The following ACTA2 variants were observed in gnomAD, a reference collection of about 807,000 sequenced individuals.
ACTA2 encodes the protein actin alpha 2, smooth muscle.
A neutral mutation model predicts 39.5 loss-of-function variants in ACTA2; 12 were observed. That is an observed-to-expected ratio of 0.30 (90% CI 0.19 to 0.49). The LOEUF is 0.49. Among genes scored for constraint, ACTA2 ranks in the 20% least tolerant of loss-of-function variants. ACTA2 has a pLI of 0.99. For missense variants in ACTA2, 236 were observed against 498.8 expected (o/e 0.47, Z 5.02); for synonymous variants, 158 against 180.6 (o/e 0.88, Z 1.00).
At chr10:88,935,748 G>C (rs1236297022) in intron 8 of ACTA2, among the ~76,000 whole-genome samples, 3 of 152,126 alleles carry the variant, frequency 2.0e-5, no homozygotes, top group Non-Finnish European at 4.4e-5. Context: ...ACAAACCCTA[G>C]CCTATTCAAA....
At position 88,941,831 on chromosome 10, in the gene ACTA2, C is replaced by G; in HGVS notation, c.408G>C (p.Val136=). 6.2e-7 allele frequency: 1 copy of G among 1,613,230 alleles called. No individual in the cohort carries two copies. The highest frequency in any genetic ancestry group is 8.5e-7 in the Non-Finnish European group (1 of 1,179,660). Residue 136 remains valine (V), a synonymous_variant, in exon 5 of 9, where the codon GTG becomes GTC. Transcript: ENST00000224784. ...FETFNVPAMY[V]AIQAVLSLYA... The stretch of plus-strand genomic sequence containing the variant: ...AGAGAGACAGCACCGCCTGGATAGC[C>G]ACATACATGGCTGGGACATTGAAAG...
chr10:88,989,381 GT>G, intron 1 of ACTA2: 1 of 367,254 alleles, frequency 2.7e-6, no homozygotes, highest in South Asian at 2.2e-5. Context: ...TTTTGGAATA[GT>G]TTTAGGATTT....
At chr10:88,939,781 C>A in intron 6 of ACTA2, 83 bp from the exon 7 acceptor site, 1 of 1,402,114 alleles carries the variant, frequency 7.1e-7, no homozygotes, top group Non-Finnish European at 1.0e-6. Context: ...GCAGTCTCTC[C>A]CTCAAGACAT....
Position 88,935,097 on chromosome 10 carries a change from T to G in ACTA2, c.*126A>C, listed in dbSNP as rs1845707434. 7.3e-7 allele frequency: 1 copy of G among 1,371,954 alleles called. No homozygotes were observed. Among genetic ancestry groups the G allele is most frequent in the African/African-American group, 1.4e-5 (1 of 69,302 alleles). The allele number at this position is 1,371,954 out of a possible 1,614,324, so 85.0% of individuals were successfully genotyped here. A position where few individuals can be genotyped will look rare whatever the true frequency, so the allele number is the denominator to read the frequency against. On this transcript the variant is annotated 3_prime_UTR_variant, in exon 9 of 9. Coordinates refer to ENST00000224784, the MANE Select transcript of ACTA2 (RefSeq NM_001613.4). ...AGTTACCAGTAGCCTATTTCAGATT[T>G]ATTAAAAAACACATAGGTAACGAGT...
At chr10:88,976,588 A>T (rs1435075051) in intron 1 of ACTA2, among the ~76,000 whole-genome samples, 1 of 152,248 alleles carries the variant, frequency 6.6e-6, no homozygotes. Flanking sequence ...ACTAAATTGA[A>T]AATGACTAAC....
intron 1 of ACTA2, among the ~76,000 whole-genome samples, chr10:88,970,897 G>A (rs4934432): frequency 0.97 from 146,406 of 150,566 alleles, 71,235 homozygotes; most frequent in Non-Finnish European, 0.99. Flanking sequence ...GTGTGTGTGT[G>A]TATATATATA....
At chr10:88,964,649 T>G (rs1323926725) in intron 1 of ACTA2, among the ~76,000 whole-genome samples, 2 of 152,102 alleles carry the variant, frequency 1.3e-5, no homozygotes, top group Non-Finnish European at 2.9e-5. Flanking sequence ...GCAGAGAGAT[T>G]TTTTGTATCT....
rs766565215 is a variant in ACTA2 at position 88,943,672 on chromosome 10, C to T, written c.369+125G>A. The stretch of plus-strand genomic sequence containing the variant: ...CTGTCCTTTGGGATCCCTGAGTTCA[C>T]TGAAGGCTGTTAGTCTGTTGGTGGA... On this transcript the variant is annotated intron_variant, in intron 4 of 8. Transcript: ENST00000224784. The T allele has an allele frequency of 1.8e-5, 14 of 798,576 alleles. No individual in the cohort carries two copies. The African/African-American group carries it at 2.0e-4, about 12-fold the overall frequency. 49.5% of individuals were successfully genotyped at this position (798,576 alleles called of 1,614,324 possible). A position where few individuals can be genotyped will look rare whatever the true frequency, so the allele number is the denominator to read the frequency against.
intron 1 of ACTA2, among the ~76,000 whole-genome samples, chr10:88,959,802 G>T (rs776226353): frequency 6.6e-6 from 1 of 151,966 alleles, no homozygotes; most frequent in Non-Finnish European, 1.5e-5. Context: ...TCTTAGCTGT[G>T]ACAGTTTCTC....
chr10:88,953,998 C>G (rs1450495268), upstream of ACTA2, among the ~76,000 whole-genome samples: 1 of 152,058 alleles, frequency 6.6e-6, no homozygotes, highest in African/African-American at 2.4e-5. Flanking sequence ...ACCAGGTGAC[C>G]CTCTCATTTC....
At position 88,939,624 on chromosome 10, in the gene ACTA2, T is replaced by C. The variant is rs1845811593; in HGVS notation, c.691A>G (p.Thr231Ala). Residue 231 changes from threonine (T) to alanine (A), a missense_variant, in exon 7 of 9, where the codon ACT (threonine) becomes GCT (alanine). Coordinates refer to ENST00000224784, the MANE Select transcript of ACTA2 (RefSeq NM_001613.4). ...VALDFENEMATAASSSSLEKS... is the reference protein window; with the variant it reads ...VALDFENEMAAAASSSSLEKS... ...TCAAGGGAGGATGAGGATGCGGCAG[T>C]GGCCATCTCATTTTCAAAGTCCAGA... 1 of 1,614,092 alleles carries C rather than the reference T, an allele frequency of 6.2e-7. No homozygotes were observed. The highest frequency in any genetic ancestry group is 8.5e-7 in the Non-Finnish European group (1 of 1,179,978).
At chr10:88,970,967 A>C (rs759061007) in intron 1 of ACTA2, among the ~76,000 whole-genome samples, 1 of 152,196 alleles carries the variant, frequency 6.6e-6, no homozygotes, top group Non-Finnish European at 1.5e-5. Flanking sequence ...GTCTGAACTC[A>C]TGTCTGACAT....
upstream of ACTA2, among the ~76,000 whole-genome samples, chr10:88,954,061 A>G (rs906579846): frequency 6.6e-6 from 1 of 152,184 alleles, no homozygotes; most frequent in East Asian, 1.9e-4. Context: ...CAGTGATTTT[A>G]TATTTGTCTA....
intron 1 of ACTA2, among the ~76,000 whole-genome samples, chr10:88,982,439 T>G (rs978923961): frequency 7.9e-5 from 12 of 152,028 alleles, no homozygotes; most frequent in African/African-American, 2.7e-4. Flanking sequence ...TTTTTTTTTT[T>G]GAAATGAGGA....
intron 1 of ACTA2, chr10:88,973,115 A>G: frequency 6.7e-7 from 1 of 1,482,896 alleles, no homozygotes; most frequent in Non-Finnish European, 9.0e-7. Flanking sequence ...TTATTTTTCT[A>G]TTTTAATTTT....
intron 1 of ACTA2, among the ~76,000 whole-genome samples, chr10:88,952,214 C>T (rs552730516): frequency 1.3e-5 from 2 of 152,260 alleles, no homozygotes; most frequent in South Asian, 4.1e-4. Context: ...CCAGGGAAAC[C>T]CAGAAGGGAA....
intron 7 of ACTA2, 61 bp from the exon 8 acceptor site, chr10:88,938,303 A>G: frequency 1.3e-6 from 2 of 1,574,800 alleles, no homozygotes; most frequent in Admixed American, 3.3e-5. Context: ...CTAGACATGG[A>G]AGACCAGACT....
In ACTA2 at chr10:88,947,252, C is replaced by T. The variant is rs1415012145; in HGVS notation, c.258+6G>A. ...GAGGGCCCAAGCTGCAGCAAACCTC[C>T]CATACCTTTTCCATGTCGTCCCAGT... On this transcript the variant is annotated splice_donor_region_variant and intron_variant, in intron 3 of 8. Coordinates refer to ENST00000224784, the MANE Select transcript of ACTA2 (RefSeq NM_001613.4). The T allele has an allele frequency of 2.5e-6, 4 of 1,613,712 alleles. No homozygotes were observed. Among genetic ancestry groups the T allele is most frequent in the Non-Finnish European group, 1.7e-6 (2 of 1,179,826 alleles).
chr10:88,979,311 G>T (rs1162934202), intron 1 of ACTA2, among the ~76,000 whole-genome samples: 3 of 152,214 alleles, frequency 2.0e-5, no homozygotes, highest in African/African-American at 7.2e-5. Context: ...CTGCCGCAGG[G>T]TGCCTTGCCA....
Sources: allele counts gnomAD v4.1 joint callset (sites outside exome capture counted in the v4.1 genomes callset), GRCh38; gene constraint gnomAD v4.1.1; transcripts MANE v1.5; gene names NCBI Gene and HGNC (gene_info 2026-07-23, HGNC 2026-07-21).